The following AHI1 variants were observed in gnomAD, a reference collection of about 807,000 sequenced individuals.
AHI1 encodes the protein Abelson helper integration site 1, also known as jouberin.
Under a neutral mutation model 149.3 loss-of-function variants are expected in AHI1, and 123 were observed. The ratio of observed to expected loss-of-function variants is 0.82; its 90% CI spans 0.71 to 0.96. The LOEUF is 0.96. Among genes scored for constraint, AHI1 ranks in the 40% least tolerant of loss-of-function variants. The pLI is 0.00. For synonymous variants in AHI1, 475 were observed against 459.8 expected (o/e 1.03, Z -0.42); for missense variants, 1,439 against 1,422.7 (o/e 1.01, Z -0.18).
At chr6:135,320,292 T>C (rs377589140) in intron 25 of AHI1, among the ~76,000 whole-genome samples, 1 of 152,084 alleles carries the variant, frequency 6.6e-6, no homozygotes, top group African/African-American at 2.4e-5. Flanking sequence ...AAAGAAAACA[T>C]AAATTATTCT....
At chr6:135,472,696 G>T (rs1791938111) in intron 5 of AHI1, among the ~76,000 whole-genome samples, 1 of 152,110 alleles carries the variant, frequency 6.6e-6, no homozygotes, top group African/African-American at 2.4e-5. Context: ...TGTATTAGGT[G>T]TGCAATAGTA....
chr6:135,416,664 T>C (rs531079192), intron 20 of AHI1, among the ~76,000 whole-genome samples: 1 of 152,162 alleles, frequency 6.6e-6, no homozygotes. Context: ...CGACCACTTT[T>C]TCAAGTTATA....
At chr6:135,382,936 T>C (rs1263095366) in intron 23 of AHI1, among the ~76,000 whole-genome samples, 1 of 108,964 alleles carries the variant, frequency 9.2e-6, no homozygotes, top group African/African-American at 3.6e-5. Flanking sequence ...AATATATATA[T>C]ATATATATAT....
chr6:135,428,895 T>G, intron 18 of AHI1, 136 bp from the exon 19 acceptor site: 2 of 728,078 alleles, frequency 2.7e-6, no homozygotes, highest in Non-Finnish European at 4.3e-6. Flanking sequence ...GGAGACATTC[T>G]ATAATATAAT....
In AHI1 at chr6:135,351,136, A is replaced by C. The variant is rs1792037065; in HGVS notation, c.3165+6996T>G. The stretch of plus-strand genomic sequence containing the variant: ...TACATACATAAATAAAACAAAAAAC[A>C]AAAAAAACAAAAAAAAAAAAAGAAA... On this transcript the variant is annotated intron_variant, in intron 24 of 28. Coordinates refer to ENST00000265602, the MANE Select transcript of AHI1 (RefSeq NM_001134831.2). 2.1e-5 allele frequency among the ~76,000 whole-genome samples: 3 copies of C among 145,010 alleles called. No homozygotes were observed. The South Asian group carries it at 6.3e-4, about 30-fold the overall frequency.
chr6:135,405,420 A>G (rs965364872), intron 21 of AHI1, among the ~76,000 whole-genome samples: 6 of 152,226 alleles, frequency 3.9e-5, no homozygotes, highest in Non-Finnish European at 7.3e-5. Flanking sequence ...ATGATAAAAT[A>G]TATGACTATT....
At chr6:135,313,356 T>C (rs1012297134) in intron 26 of AHI1, among the ~76,000 whole-genome samples, 1 of 152,212 alleles carries the variant, frequency 6.6e-6, no homozygotes, top group Non-Finnish European at 1.5e-5. Flanking sequence ...CCACGCATCT[T>C]AAGATTTAAA....
chr6:135,437,812 A>C (rs1251162829), intron 15 of AHI1, among the ~76,000 whole-genome samples: 1 of 152,234 alleles, frequency 6.6e-6, no homozygotes, highest in Non-Finnish European at 1.5e-5. Context: ...CAACTAAAAA[A>C]AGTATAAATG....
chr6:135,292,668 G>T (rs977821456), intron 27 of AHI1, among the ~76,000 whole-genome samples: 1 of 152,142 alleles, frequency 6.6e-6, no homozygotes, highest in Non-Finnish European at 1.5e-5. Flanking sequence ...AACTGTTCCC[G>T]AGGAAGCCCA....
chr6:135,302,506 C>A, intron 26 of AHI1: 2 of 1,015,304 alleles, frequency 2.0e-6, no homozygotes, highest in South Asian at 8.0e-5. Context: ...GTATGTTAAA[C>A]ATGGTCCCTG....
At chr6:135,320,175 C>T (rs1406307557) in intron 25 of AHI1, among the ~76,000 whole-genome samples, 2 of 151,888 alleles carry the variant, frequency 1.3e-5, no homozygotes, top group East Asian at 3.8e-4. Context: ...GAAATAACCC[C>T]TAATGAAGTG....
In AHI1 at chr6:135,411,337, A is replaced by G. The variant is rs755759378; in HGVS notation, c.2961+11T>C. The G allele has an allele frequency of 6.2e-7, 1 of 1,609,118 alleles. No individual in the cohort carries two copies. The highest frequency in any genetic ancestry group is 8.5e-7 in the Non-Finnish European group (1 of 1,176,246). Reference sequence around the variant, plus strand: ...TAGTTTTAAAGTTTCAACTGCATAAAATAAACTTACTGTGACAGTTTCAAG... The same window carrying G: ...TAGTTTTAAAGTTTCAACTGCATAAGATAAACTTACTGTGACAGTTTCAAG... On this transcript the variant is annotated intron_variant, in intron 21 of 28. Transcript: ENST00000265602.
At chr6:135,336,613 T>C (rs1286599366) in intron 24 of AHI1, among the ~76,000 whole-genome samples, 1 of 152,194 alleles carries the variant, frequency 6.6e-6, no homozygotes, top group Non-Finnish European at 1.5e-5. Context: ...TAATCTCCTG[T>C]ATCTTATGAG....
At chr6:135,419,249 A>G (rs1191634531) in intron 20 of AHI1, among the ~76,000 whole-genome samples, 1 of 152,144 alleles carries the variant, frequency 6.6e-6, no homozygotes, top group Non-Finnish European at 1.5e-5. Context: ...AGCTGGATAT[A>G]AAAATTGAAT....
At chr6:135,401,750 T>C (rs543219163) in intron 22 of AHI1, among the ~76,000 whole-genome samples, 5 of 152,226 alleles carry the variant, frequency 3.3e-5, no homozygotes, top group South Asian at 2.1e-4. Context: ...GAAGAAAACA[T>C]AGGAGTAAAT....
At chr6:135,317,482 G>A (rs1200301248) in intron 26 of AHI1, among the ~76,000 whole-genome samples, 4 of 149,514 alleles carry the variant, frequency 2.7e-5, no homozygotes, top group Admixed American at 6.7e-5. Context: ...CTCAGGTCAA[G>A]TATTTCCTCC....
intron 20 of AHI1, among the ~76,000 whole-genome samples, chr6:135,419,252 A>C (rs576399771): frequency 1.3e-5 from 2 of 152,244 alleles, no homozygotes; most frequent in South Asian, 2.1e-4. Flanking sequence ...TGGATATAAA[A>C]ATTGAATCAA....
intron 24 of AHI1, among the ~76,000 whole-genome samples, chr6:135,347,974 C>T (rs529255399): frequency 7.2e-5 from 11 of 152,288 alleles, no homozygotes; most frequent in East Asian, 3.9e-4. Flanking sequence ...TCCCCCTCTA[C>T]GGATTTATTT....
chr6:135,371,956 G>A (rs913894680), intron 23 of AHI1, among the ~76,000 whole-genome samples: 1 of 152,164 alleles, frequency 6.6e-6, no homozygotes, highest in Non-Finnish European at 1.5e-5. Flanking sequence ...AATCCCCTTG[G>A]AAATGGGCAA....
Sources: allele counts gnomAD v4.1 joint callset (sites outside exome capture counted in the v4.1 genomes callset), GRCh38; gene constraint gnomAD v4.1.1; transcripts MANE v1.5; gene names NCBI Gene and HGNC (gene_info 2026-07-23, HGNC 2026-07-21).